Variants in LSAMP observed in about 807,000 individuals in gnomAD.
The protein encoded by LSAMP is limbic system-associated membrane protein.
Under a neutral mutation model 38.6 loss-of-function variants are expected in LSAMP, and 7 were observed. That is an observed-to-expected ratio of 0.18 (90% confidence interval 0.10 to 0.34). LSAMP has a LOEUF of 0.34. Among genes scored for constraint, LSAMP ranks in the 10% least tolerant of loss-of-function variants. The pLI is 1.00. For synonymous variants in LSAMP, 154 were observed against 166.8 expected, an observed-to-expected ratio of 0.92 and a Z score of 0.59; for missense variants, 313 against 420.0, an observed-to-expected ratio of 0.75 and a Z score of 2.23.
At chr3:116,403,320 C>T (rs2048861959) in intron 1 of LSAMP, among the ~76,000 whole-genome samples, 1 of 152,060 alleles carries the variant, frequency 6.6e-6, no homozygotes, top group African/African-American at 2.4e-5. Context: ...TGAATGTAAG[C>T]TCAATAATAA....
chr3:116,075,964 C>A (rs1164831133), intron 2 of LSAMP, among the ~76,000 whole-genome samples: 1 of 152,090 alleles, frequency 6.6e-6, no homozygotes, highest in Admixed American at 6.5e-5. Context: ...ATTGATAATT[C>A]TTTCTAGTCT....
chr3:115,838,848 T>C (rs1211509562), intron 6 of LSAMP, among the ~76,000 whole-genome samples: 7 of 152,210 alleles, frequency 4.6e-5, no homozygotes, highest in Admixed American at 4.6e-4. Context: ...AGTCAGCTCA[T>C]CACTGTGGTG....
intron 1 of LSAMP, among the ~76,000 whole-genome samples, chr3:116,187,197 T>A (rs1710639558): frequency 1.3e-5 from 2 of 152,124 alleles, no homozygotes; most frequent in Admixed American, 1.3e-4. Flanking sequence ...GATGCCACAT[T>A]AGTTTAGCAG....
chr3:116,218,084 A>G (rs1358795874), intron 1 of LSAMP, among the ~76,000 whole-genome samples: 3 of 152,134 alleles, frequency 2.0e-5, no homozygotes, highest in Non-Finnish European at 2.9e-5. Context: ...TGGTCTTGGT[A>G]CTCAGGAATG....
intron 1 of LSAMP, among the ~76,000 whole-genome samples, chr3:116,436,832 T>C (rs1316518819): frequency 1.3e-5 from 2 of 152,124 alleles, no homozygotes; most frequent in Non-Finnish European, 2.9e-5. Context: ...TTACTGGATA[T>C]CTGCCCAGAG....
In LSAMP at chr3:116,324,026, T is replaced by C. The variant is rs187170859; in HGVS notation, c.155+120851A>G. Among the ~76,000 whole-genome samples, 18 of 152,318 alleles carry C rather than the reference T, an allele frequency of 1.2e-4. No homozygotes were observed. The East Asian group carries it at 1.4e-3, about 11-fold the overall frequency. ...AACCAAAAGAAACTATTTTTATTCA[T>C]TGAGGTGACTTGGCCTTGTTAAGAC... On this transcript the variant is annotated intron_variant, in intron 1 of 6. Coordinates refer to ENST00000490035, the MANE Select transcript of LSAMP (RefSeq NM_002338.5).
chr3:116,008,855 A>C, intron 3 of LSAMP, among the ~76,000 whole-genome samples: 1 of 152,264 alleles, frequency 6.6e-6, no homozygotes, highest in East Asian at 1.9e-4. Flanking sequence ...GCTTTTCAAA[A>C]TTTAATGAGC....
intron 4 of LSAMP, among the ~76,000 whole-genome samples, chr3:115,842,906 T>A (rs1235783709): frequency 1.3e-5 from 2 of 152,202 alleles, no homozygotes; most frequent in Non-Finnish European, 2.9e-5. Flanking sequence ...ATTTGTATAG[T>A]TTTTTCTTTT....
chr3:116,330,523 C>T (rs1461417041), intron 1 of LSAMP, among the ~76,000 whole-genome samples: 1 of 152,052 alleles, frequency 6.6e-6, no homozygotes, highest in Non-Finnish European at 1.5e-5. Context: ...AAGAGATTTC[C>T]AGAGGACTTA....
At chr3:116,290,067 A>G (rs2047244245) in intron 1 of LSAMP, among the ~76,000 whole-genome samples, 1 of 152,228 alleles carries the variant, frequency 6.6e-6, no homozygotes. Context: ...TTAGTAAATC[A>G]TTAATTACCC....
chr3:116,351,973 T>C lies in LSAMP; in HGVS notation c.155+92904A>G, dbSNP rs576013756. ...CTTTCAGTGAACAAAGTGTGTAAAA[T>C]AGCACTTAGAATGTCAGAGGAAAGT... On this transcript the variant is annotated intron_variant, in intron 1 of 6. Coordinates refer to ENST00000490035, the MANE Select transcript of LSAMP (RefSeq NM_002338.5). 4.6e-5 allele frequency among the ~76,000 whole-genome samples: 7 copies of C among 152,210 alleles called. No individual in the cohort carries two copies. In the South Asian group the frequency reaches 1.2e-3, roughly 27 times the overall value.
At chr3:115,903,495 G>A (rs1179894606) in intron 3 of LSAMP, among the ~76,000 whole-genome samples, 1 of 151,868 alleles carries the variant, frequency 6.6e-6, no homozygotes, top group Non-Finnish European at 1.5e-5. Context: ...TAAAATAAAA[G>A]TTTCAAAAAA....
Position 116,341,121 on chromosome 3 carries a change from A to C in LSAMP, c.155+103756T>G, listed in dbSNP as rs140825957. ...ATGGATTTTTGTTTTAACAACTCCA[A>C]GTAATGCATAGATAAAATGGAGTCT... On this transcript the variant is annotated intron_variant, in intron 1 of 6. Coordinates refer to ENST00000490035, the MANE Select transcript of LSAMP (RefSeq NM_002338.5). 1.4e-3 allele frequency among the ~76,000 whole-genome samples: 209 copies of C among 152,170 alleles called. 3 individuals carry two copies. Among genetic ancestry groups the C allele is most frequent in the Admixed American group, 0.012 (177 of 15,236 alleles).
intron 1 of LSAMP, among the ~76,000 whole-genome samples, chr3:116,312,613 A>G (rs1368985116): frequency 6.6e-6 from 1 of 152,052 alleles, no homozygotes; most frequent in Admixed American, 6.5e-5. Flanking sequence ...GGCATTTGTT[A>G]GATATGCCAG....
chr3:116,286,891 T>TAA (rs79705073), intron 1 of LSAMP, among the ~76,000 whole-genome samples: 79 of 133,796 alleles, frequency 5.9e-4, no homozygotes, highest in Admixed American at 1.8e-3. Flanking sequence ...TCTCTCAAGT[T>TAA]AAAAAAAAAA....
chr3:116,114,297 A>G (rs1708694596), intron 1 of LSAMP, among the ~76,000 whole-genome samples: 1 of 152,166 alleles, frequency 6.6e-6, no homozygotes. Context: ...GGTTTTTCAC[A>G]TCCTGTATCT....
rs368042133 is a variant in LSAMP, at chr3:115,841,826, C to T, written c.919+19G>A. On this transcript the variant is annotated intron_variant, in intron 6 of 6. Transcript: ENST00000490035. ...TCAATTTAATTCCATCAAGTTGGGC[C>T]CTGCTTTGGCATACTTACTGAAAAG... 12 of 1,583,412 alleles carry T rather than the reference C, an allele frequency of 7.6e-6. No individual in the cohort carries two copies. Among genetic ancestry groups the T allele is most frequent in the Non-Finnish European group, 1.0e-5 (12 of 1,166,278 alleles).
chr3:116,359,898 C>G (rs1426647551), intron 1 of LSAMP: 1 of 152,148 alleles, frequency 6.6e-6, no homozygotes, highest in East Asian at 1.9e-4. Context: ...TAGGCAATAC[C>G]AGTCAAGACA....
chr3:115,832,008 A>G (rs1934627736), intron 6 of LSAMP, among the ~76,000 whole-genome samples: 1 of 152,136 alleles, frequency 6.6e-6, no homozygotes. Context: ...AGGAAACCCA[A>G]GGGAAATGCA....
Sources: gnomAD v4.1 joint callset for allele counts (sites outside exome capture counted in the v4.1 genomes callset) on GRCh38, gnomAD v4.1.1 for gene constraint, MANE v1.5 for transcripts, NCBI Gene and HGNC (gene_info 2026-07-23, HGNC 2026-07-21) for gene names.